The following AARS1 variants were observed in gnomAD, a reference collection of about 807,000 sequenced individuals.
AARS1 encodes the protein alanyl-tRNA synthetase 1.
Under a neutral mutation model 108.9 loss-of-function variants are expected in AARS1, and 72 were observed. The ratio of observed to expected loss-of-function variants is 0.66; its 90% CI spans 0.55 to 0.80. AARS1 has a LOEUF of 0.80. Ranked by LOEUF, AARS1 falls within the 30% of genes least tolerant of loss-of-function variation. The pLI, the probability that AARS1 is intolerant of heterozygous loss-of-function variation, is 0.00. For synonymous variants in AARS1, 489 were observed against 465.7 expected (o/e 1.05, Z -0.64); for missense variants, 1,193 against 1,233.2 (o/e 0.97, Z 0.49).
Position 70,252,385 on chromosome 16 carries a change from T to C in AARS1, c.*336A>G, listed in dbSNP as rs1959861535. On this transcript the variant is annotated 3_prime_UTR_variant, in exon 21 of 21. Coordinates refer to ENST00000261772, the MANE Select transcript of AARS1 (RefSeq NM_001605.3). The stretch of plus-strand genomic sequence containing the variant: ...GAAGAGGGATAGAGATCATGCGGCA[T>C]TAAGTATTGCACGTGGTCCTTTTAT... 2.4e-6 allele frequency: 1 copy of C among 410,288 alleles called. No individual in the cohort carries two copies. Among genetic ancestry groups the C allele is most frequent in the Admixed American group, 3.8e-5 (1 of 26,630 alleles). 25.4% of individuals were successfully genotyped at this position (410,288 alleles called of 1,614,324 possible).
At chr16:70,273,213 A>G (rs1403654723) in intron 4 of AARS1, among the ~76,000 whole-genome samples, 1 of 152,132 alleles carries the variant, frequency 6.6e-6, no homozygotes, top group Non-Finnish European at 1.5e-5. Flanking sequence ...GCTATGCACT[A>G]AAGGATGAAA....
chr16:70,252,779 TCCTGCA>T lies in AARS1; in HGVS notation c.2843_2848del (p.Leu948_Glu950delinsGln). The T allele has an allele frequency of 6.2e-7, 1 of 1,614,198 alleles. No homozygotes were observed. Among genetic ancestry groups the T allele is most frequent in the Non-Finnish European group, 8.5e-7 (1 of 1,180,038 alleles). On this transcript the variant is annotated inframe_deletion, in exon 21 of 21. Coordinates refer to ENST00000261772, the MANE Select transcript of AARS1 (RefSeq NM_001605.3). ...GAAGGAAGTGGCCAGCTGCAGCGCC[TCCTGCA>T]GGCAGCCAACGTTCTTGCCTGTGGC...
chr16:70,272,506 CAAAAAAA>C (rs34129241), intron 4 of AARS1, among the ~76,000 whole-genome samples: 1 of 17,022 alleles, frequency 5.9e-5, no homozygotes, highest in Non-Finnish European at 1.1e-4. Context: ...AACTCCATCT[CAAAAAAA>C]AAAAAAAAAA....
rs1397559969 is a variant in AARS1 at position 70,267,586 on chromosome 16, C to G, written c.1222+73G>C. Reference sequence around the variant, plus strand: ...AGAGACATGAGAGCCCACAGTCAGTCTGTCAGAAAGGGCTTGTCTTTCCCA... The same window carrying G: ...AGAGACATGAGAGCCCACAGTCAGTGTGTCAGAAAGGGCTTGTCTTTCCCA... On this transcript the variant is annotated intron_variant, in intron 9 of 20. Transcript: ENST00000261772. 4 of 1,580,214 alleles carry G rather than the reference C, an allele frequency of 2.5e-6. No homozygotes were observed. The African/African-American group carries it at 4.0e-5, about 16-fold the overall frequency.
At chr16:70,270,133 C>T in intron 6 of AARS1, 63 bp downstream of exon 6, 1 of 1,594,792 alleles carries the variant, frequency 6.3e-7, no homozygotes, top group Non-Finnish European at 8.6e-7. Flanking sequence ...TTTGACAGCA[C>T]TGTTAAGAGT....
chr16:70,265,779 C>T lies in AARS1; in HGVS notation c.1223-117G>A, dbSNP rs550674095. The T allele has an allele frequency of 8.6e-5, 115 of 1,330,276 alleles. No homozygotes were observed. The Middle Eastern group carries it at 1.0e-3, about 12-fold the overall frequency. The allele number at this position is 1,330,276 out of a possible 1,614,324, so 82.4% of individuals were successfully genotyped here. On this transcript the variant is annotated intron_variant, in intron 9 of 20. Transcript: ENST00000261772. The stretch of plus-strand genomic sequence containing the variant: ...ATTAAAGACACAAGGCTATCAGTAT[C>T]GGCCCTGTGTGCCCATCAGAAAATC...
intron 16 of AARS1, 141 bp from the exon 17 acceptor site, chr16:70,254,875 G>A (rs1959941852): frequency 1.5e-6 from 1 of 673,446 alleles, no homozygotes; most frequent in Non-Finnish European, 2.7e-6. Flanking sequence ...TGGGGAGTAG[G>A]TGCTGGCAGC....
intron 14 of AARS1, 136 bp downstream of exon 14, chr16:70,258,844 C>T (rs1405589623): frequency 1.7e-5 from 18 of 1,066,750 alleles, no homozygotes; most frequent in African/African-American, 6.2e-5. Flanking sequence ...CGTGAGCTAC[C>T]GTGCCCAGCC....
At chr16:70,272,228 G>A (rs1960422780) in intron 4 of AARS1, among the ~76,000 whole-genome samples, 1 of 152,122 alleles carries the variant, frequency 6.6e-6, no homozygotes, top group Admixed American at 6.6e-5. Flanking sequence ...AAAGAAGCTG[G>A]GCGTGGTGGC....
chr16:70,261,021 G>C (rs753919012), intron 13 of AARS1, 23 bp downstream of exon 13: 3 of 1,554,654 alleles, frequency 1.9e-6, no homozygotes, highest in South Asian at 2.2e-5. Flanking sequence ...AGATCCAATG[G>C]GGGCCACAGT....
intron 9 of AARS1, among the ~76,000 whole-genome samples, chr16:70,267,283 A>T (rs1960286107): frequency 6.6e-6 from 1 of 152,242 alleles, no homozygotes; most frequent in Admixed American, 6.5e-5. Flanking sequence ...AAAACAGTAC[A>T]TACCAAATAT....
At chr16:70,264,913 A>T in intron 11 of AARS1, 45 bp downstream of exon 11, 2 of 1,612,924 alleles carry the variant, frequency 1.2e-6, no homozygotes, top group Non-Finnish European at 1.7e-6. Flanking sequence ...TACCCCCCAG[A>T]TACGGGGCAG....
At chr16:70,268,157 GACTCC>G in intron 8 of AARS1, 109 bp downstream of exon 8, 1 of 996,802 alleles carries the variant, frequency 1.0e-6, no homozygotes, top group South Asian at 1.4e-5. Context: ...GACAGAGTGA[GACTCC>G]GTCTCAAAAA....
At chr16:70,285,945 A>G (rs1960828515) in intron 1 of AARS1, among the ~76,000 whole-genome samples, 9 of 152,212 alleles carry the variant, frequency 5.9e-5, no homozygotes, top group Admixed American at 5.9e-4. Context: ...CAAAAGACAC[A>G]TGAATTTCCC....
At chr16:70,277,656 C>T (rs1960581747) in intron 2 of AARS1, among the ~76,000 whole-genome samples, 1 of 152,050 alleles carries the variant, frequency 6.6e-6, no homozygotes, top group Admixed American at 6.6e-5. Context: ...GAGGATGTAT[C>T]AGGTCATGCT....
In AARS1 at chr16:70,270,337, T is replaced by G. The variant is rs947735077; in HGVS notation, c.675A>C (p.Glu225Asp). 2 of 1,614,024 alleles carry G rather than the reference T, an allele frequency of 1.2e-6. No homozygotes were observed. The highest frequency in any genetic ancestry group is 1.7e-6 in the Non-Finnish European group (2 of 1,180,028). Reference protein sequence around the residue: ...WNLVFIQYNREADGILKPLPK... With the variant: ...WNLVFIQYNRDADGILKPLPK... ...GAAGAGGTTTCAGAATGCCATCAGC[T>G]TCCCTGTATGATCCAGAAGAAGAGG... The change falls in exon 6 of 21, where the codon GAA becomes GAC. Residue 225 changes from glutamate (E) to aspartate (D), a missense_variant. By Grantham distance (45) the Glu-to-Asp change is conservative. Coordinates refer to ENST00000261772, the MANE Select transcript of AARS1 (RefSeq NM_001605.3).
At chr16:70,283,239 A>C (rs909254065) in intron 1 of AARS1, among the ~76,000 whole-genome samples, 1 of 152,082 alleles carries the variant, frequency 6.6e-6, no homozygotes, top group African/African-American at 2.4e-5. Flanking sequence ...TCTACTAAAA[A>C]TACAAAAAGT....
chr16:70,264,999 G>A lies in AARS1; in HGVS notation c.1451C>T (p.Ser484Phe), dbSNP rs1960229147. The change falls in exon 11 of 21, where the codon TCC becomes TTC. Residue 484 changes from serine to phenylalanine, a missense_variant. By Grantham distance (155) the Ser-to-Phe change is radical (BLOSUM62 -2). Transcript: ENST00000261772. ...RARGLEVTDDSPKYNYHLDSS... is the reference protein window; with the variant it reads ...RARGLEVTDDFPKYNYHLDSS... ...GTCCAAATGGTAATTGTACTTTGGG[G>A]AATCATCTGTGACCTCCAGACCCCG... 1 of 1,614,120 alleles carries A rather than the reference G, an allele frequency of 6.2e-7. No individual in the cohort carries two copies. The highest frequency in any genetic ancestry group is 8.5e-7 in the Non-Finnish European group (1 of 1,180,030).
chr16:70,264,073 C>G (rs1443742248), intron 11 of AARS1, among the ~76,000 whole-genome samples: 1 of 151,642 alleles, frequency 6.6e-6, no homozygotes, highest in Non-Finnish European at 1.5e-5. Flanking sequence ...TGGTGAAACC[C>G]TGTCTCTACT....
Sources: allele counts gnomAD v4.1 joint callset (sites outside exome capture counted in the v4.1 genomes callset), GRCh38; gene constraint gnomAD v4.1.1; transcripts MANE v1.5; gene names NCBI Gene and HGNC (gene_info 2026-07-23, HGNC 2026-07-21).